PLEKHH2: variants seen among roughly 807,000 people sequenced by gnomAD.
PLEKHH2 encodes pleckstrin homology, MyTH4 and FERM domain containing H2.
In PLEKHH2, 129 loss-of-function variants were observed where a neutral mutation model predicts 187.9. That is an observed-to-expected ratio of 0.69 (90% CI 0.59 to 0.79). The LOEUF (loss-of-function observed/expected upper bound fraction) is 0.79, where lower values mean the gene tolerates loss of function less well. Among genes scored for constraint, PLEKHH2 ranks in the 30% least tolerant of loss-of-function variants. The pLI, the probability that PLEKHH2 is intolerant of heterozygous loss-of-function variation, is 0.00. For missense variants in PLEKHH2, 2,076 were observed against 1,751.2 expected (o/e 1.19, Z -3.31); for synonymous variants, 686 against 605.6 (o/e 1.13, Z -1.95).
chr2:43,655,797 T>C (rs1666727151), intron 2 of PLEKHH2, among the ~76,000 whole-genome samples: 1 of 152,206 alleles, frequency 6.6e-6, no homozygotes, highest in African/African-American at 2.4e-5. Flanking sequence ...CAACAGCTCC[T>C]TGAGCTTTGC....
chr2:43,758,746 T>C (rs967313938), intron 26 of PLEKHH2, among the ~76,000 whole-genome samples, 154 bp from the exon 27 acceptor site: 13 of 152,204 alleles, frequency 8.5e-5, no homozygotes, highest in Non-Finnish European at 1.3e-4. Flanking sequence ...TGGACAGTGG[T>C]GTGATGAGAG....
At chr2:43,762,518 GT>G in intron 28 of PLEKHH2, 128 bp downstream of exon 28, 2 of 601,492 alleles carry the variant, frequency 3.3e-6, no homozygotes. Context: ...CTAATACTAT[GT>G]CATGAACAGT....
rs536290234 is a variant in PLEKHH2 at position 43,637,265 on chromosome 2, C to A, written c.-118C>A. 6.6e-6 allele frequency: 1 copy of A among 152,310 alleles called. No individual in the cohort carries two copies. Among genetic ancestry groups the A allele is most frequent in the African/African-American group, 2.4e-5 (1 of 41,472 alleles). 9.4% of individuals were successfully genotyped at this position (152,310 alleles called of 1,614,324 possible). A position where few individuals can be genotyped will look rare whatever the true frequency, so the allele number is the denominator to read the frequency against. On this transcript the variant is annotated 5_prime_UTR_variant, in exon 1 of 30. Coordinates refer to ENST00000282406, the MANE Select transcript of PLEKHH2 (RefSeq NM_172069.4). ...CTGGAGGAGGCGGTGCCCTTCCCCG[C>A]CCTCTCCGAGCTCGGCTTGAGGCGG... is the stretch of plus-strand genomic sequence containing the variant.
intron 2 of PLEKHH2, among the ~76,000 whole-genome samples, chr2:43,658,360 T>G (rs974806241): frequency 2.6e-5 from 4 of 152,246 alleles, no homozygotes; most frequent in Non-Finnish European, 5.9e-5. Flanking sequence ...GTTCAGAGTA[T>G]AGTTTACTTC....
intron 15 of PLEKHH2, among the ~76,000 whole-genome samples, chr2:43,720,280 CTT>C (rs58739376): frequency 0.21 from 30,787 of 147,620 alleles, 3,375 homozygotes; most frequent in Admixed American, 0.3. Context: ...ACAGGTAAAT[CTT>C]TTTTTTTTTT....
chr2:43,755,426 T>C (rs1413571046), intron 25 of PLEKHH2, among the ~76,000 whole-genome samples: 1 of 152,226 alleles, frequency 6.6e-6, no homozygotes, highest in Non-Finnish European at 1.5e-5. Flanking sequence ...CATTGTCTCA[T>C]ACTGCCTGCT....
In PLEKHH2 at chr2:43,691,341, G is replaced by C. The variant is rs574955047; in HGVS notation, c.187-1173G>C. On this transcript the variant is annotated intron_variant, in intron 3 of 29. Transcript: ENST00000282406. ...AAGCAGGAGATTTCCCAATATGGCTGAGCCCGGGGCTTTTTATGGGCTCAG... is the reference window on the plus strand; with the variant it reads ...AAGCAGGAGATTTCCCAATATGGCTCAGCCCGGGGCTTTTTATGGGCTCAG... Among the ~76,000 whole-genome samples, 5 of 152,360 alleles carry C rather than the reference G, an allele frequency of 3.3e-5. No individual in the cohort carries two copies. In the South Asian group the frequency reaches 1.0e-3, roughly 32 times the overall value.
At chr2:43,723,839 G>A (rs939939041) in intron 16 of PLEKHH2, among the ~76,000 whole-genome samples, 6 of 152,112 alleles carry the variant, frequency 3.9e-5, no homozygotes, top group South Asian at 2.1e-4. Context: ...ACAGGCACAC[G>A]CCGACTGCTG....
chr2:43,731,652 T>G (rs1671047030), intron 19 of PLEKHH2, 50 bp downstream of exon 19: 1 of 1,170,392 alleles, frequency 8.5e-7, no homozygotes, highest in Non-Finnish European at 1.2e-6. Flanking sequence ...TACTTATATG[T>G]TGTTAAATAA....
intron 15 of PLEKHH2, among the ~76,000 whole-genome samples, chr2:43,716,497 G>A (rs577983419): frequency 5.3e-5 from 8 of 152,310 alleles, no homozygotes; most frequent in Admixed American, 2.6e-4. Context: ...GGCTTGGTAA[G>A]TATTATTGAA....
chr2:43,725,152 A>G (rs112910556), intron 16 of PLEKHH2, among the ~76,000 whole-genome samples: 2 of 152,180 alleles, frequency 1.3e-5, no homozygotes, highest in Non-Finnish European at 2.9e-5. Context: ...CAGGTGTGCT[A>G]TCTGTACAGA....
At chr2:43,682,154 C>G (rs926401164) in intron 3 of PLEKHH2, among the ~76,000 whole-genome samples, 1 of 152,118 alleles carries the variant, frequency 6.6e-6, no homozygotes, top group Non-Finnish European at 1.5e-5. Context: ...ACCAAACACC[C>G]TTAAAAATCA....
intron 19 of PLEKHH2, among the ~76,000 whole-genome samples, chr2:43,735,925 G>A: frequency 6.6e-6 from 1 of 152,016 alleles, no homozygotes; most frequent in Non-Finnish European, 1.5e-5. Context: ...AAATATTCTT[G>A]TTTTAGCTAA....
At chr2:43,756,379 G>A (rs970022870) in intron 25 of PLEKHH2, among the ~76,000 whole-genome samples, 1 of 151,770 alleles carries the variant, frequency 6.6e-6, no homozygotes, top group Non-Finnish European at 1.5e-5. Context: ...TGCAACCTCC[G>A]CCTCCTGGGT....
intron 16 of PLEKHH2, among the ~76,000 whole-genome samples, chr2:43,723,772 A>G (rs1443086356): frequency 1.3e-5 from 2 of 152,156 alleles, no homozygotes; most frequent in Non-Finnish European, 2.9e-5. Flanking sequence ...TCTGAGTGAG[A>G]TGACAAACAA....
chr2:43,680,018 G>A (rs1397828992), intron 3 of PLEKHH2, among the ~76,000 whole-genome samples: 1 of 72,030 alleles, frequency 1.4e-5, no homozygotes. Context: ...CCCTTTCTGG[G>A]TCTTCCAGCA....
chr2:43,678,787 A>ATT, intron 2 of PLEKHH2, 76 bp from the exon 3 acceptor site: 1 of 981,138 alleles, frequency 1.0e-6, no homozygotes, highest in Non-Finnish European at 1.5e-6. Context: ...GAATTATGAG[A>ATT]TTTTTAAAGC....
chr2:43,678,457 C>G (rs568171456), intron 2 of PLEKHH2, among the ~76,000 whole-genome samples: 2 of 152,190 alleles, frequency 1.3e-5, no homozygotes, highest in South Asian at 4.1e-4. Context: ...TCTGCAATCC[C>G]GGCACCTCAG....
intron 21 of PLEKHH2, among the ~76,000 whole-genome samples, chr2:43,741,519 C>T (rs1014944807): frequency 3.3e-5 from 5 of 152,188 alleles, no homozygotes; most frequent in African/African-American, 1.2e-4. Flanking sequence ...TCCAGAATGG[C>T]TTTCTTACAT....
Sources: allele counts gnomAD v4.1 joint callset (sites outside exome capture counted in the v4.1 genomes callset), GRCh38; gene constraint gnomAD v4.1.1; transcripts MANE v1.5; gene names NCBI Gene and HGNC (gene_info 2026-07-23, HGNC 2026-07-21).